Variants in MICAL3 observed in about 807,000 individuals in gnomAD.
MICAL3 encodes [F-actin]-monooxygenase MICAL3.
Under a neutral mutation model 207.4 loss-of-function variants are expected in MICAL3, and 62 were observed. The ratio of observed to expected loss-of-function variants is 0.30; its 90% CI spans 0.24 to 0.37. The LOEUF (loss-of-function observed/expected upper bound fraction) is 0.37. MICAL3 is among the 10% of genes least tolerant of loss of function. MICAL3 has a pLI of 1.00. For missense variants in MICAL3, 2,368 were observed against 2,635.6 expected, an observed-to-expected ratio of 0.90 and a Z score of 2.22; for synonymous variants, 1,077 against 1,069.3, an observed-to-expected ratio of 1.01 and a Z score of -0.14.
rs531280432 is a variant in MICAL3, at chr22:17,796,437, C to T, written c.5651-5136G>A. On this transcript the variant is annotated intron_variant, in intron 29 of 31. Transcript: ENST00000441493. This position sits in a 1 kb window ranked among gnomAD's most constrained non-coding sequence, Gnocchi z 4.4. Reference sequence around the variant, plus strand: ...AGGGCGCCCTCGCATGCACCACCCACGTGATCCTCACACCGGCCAGGTGTG... The same window carrying T: ...AGGGCGCCCTCGCATGCACCACCCATGTGATCCTCACACCGGCCAGGTGTG... Among the ~76,000 whole-genome samples the T allele has an allele frequency of 8.5e-5, 13 of 152,372 alleles. No homozygotes were observed. Among genetic ancestry groups the T allele is most frequent in the East Asian group, 3.9e-4 (2 of 5,180 alleles).
chr22:17,913,558 T>C (rs975473172), intron 1 of MICAL3, among the ~76,000 whole-genome samples: 28 of 152,000 alleles, frequency 1.8e-4, no homozygotes, highest in Admixed American at 7.2e-4. Context: ...ATTTTTCTCA[T>C]GACCAGCACT....
At chr22:17,896,632 C>A in intron 8 of MICAL3, 92 bp downstream of exon 8, 1 of 1,348,830 alleles carries the variant, frequency 7.4e-7, no homozygotes, top group Non-Finnish European at 1.0e-6. Flanking sequence ...CTGTACAACA[C>A]TGCAGACGCT....
Position 17,850,400 on chromosome 22 carries a change from G to GTTTTTTTTTTTTTTTT in MICAL3, c.2606-8399_2606-8384dup, listed in dbSNP as rs565667574. On this transcript the variant is annotated intron_variant, in intron 19 of 31. Transcript: ENST00000441493. ...CTGTGGAACTTTTGCTTTTGAATTA[G>GTTTTTTTTTTTTTTTT]TTTTTTTTTTTTTTTTTTTTTTTTT... Among the ~76,000 whole-genome samples the GTTTTTTTTTTTTTTTT allele has an allele frequency of 5.4e-5, 4 of 74,418 alleles. 1 individual carries two copies. Among genetic ancestry groups the GTTTTTTTTTTTTTTTT allele is most frequent in the Non-Finnish European group, 7.7e-5 (3 of 38,954 alleles). The allele number at this position is 74,418 out of a possible 152,430, so 48.8% of individuals were successfully genotyped here. A position where few individuals can be genotyped will look rare whatever the true frequency, so the allele number is the denominator to read the frequency against.
In MICAL3 at chr22:17,818,447, C is replaced by G; in HGVS notation, c.4214G>C (p.Arg1405Pro). 1 of 1,612,866 alleles carries G rather than the reference C, an allele frequency of 6.2e-7. No homozygotes were observed. Among genetic ancestry groups the G allele is most frequent in the East Asian group, 2.2e-5 (1 of 44,878 alleles). Residue 1405 changes from arginine (R) to proline (P), a missense_variant, in exon 26 of 32, where the codon CGG (arginine) becomes CCG (proline). Arg to Pro is a moderately radical substitution (Grantham distance 103). Around this residue, in one of 4 missense-constraint regions of MICAL3, gnomAD observed 1,770 missense variants for 1,863.2 expected, o/e 0.95. Transcript: ENST00000441493. Reference sequence around the variant, plus strand: ...GCGTAGCTCTCTGTCGGACGGGGACCGGGGGGTTGGCAGGGACAACGGCTC... The same window carrying G: ...GCGTAGCTCTCTGTCGGACGGGGACGGGGGGGTTGGCAGGGACAACGGCTC... ...EGEPLSLPTP[R>P]SPSDRELRSA...
intron 1 of MICAL3, among the ~76,000 whole-genome samples, chr22:17,928,398 C>T (rs1334001914): frequency 2.0e-5 from 3 of 150,588 alleles, no homozygotes; most frequent in Non-Finnish European, 4.4e-5. Flanking sequence ...AAGATTGCAC[C>T]ACTGCACACC....
At chr22:17,964,570 T>A (rs188422254) in intron 1 of MICAL3, among the ~76,000 whole-genome samples, 1 of 152,240 alleles carries the variant, frequency 6.6e-6, no homozygotes, top group Admixed American at 6.5e-5. Flanking sequence ...ACGTGAAGAT[T>A]AAAAATTTAA....
intron 16 of MICAL3, chr22:17,876,802 T>TGGAGGTTAG (rs200084891): frequency 5.5e-5 from 3 of 54,574 alleles, no homozygotes; most frequent in Admixed American, 1.8e-4. Context: ...AGGGAAGTTA[T>TGGAGGTTAG]GGAGGTTAGG....
chr22:18,003,465 C>T (rs993164759), intron 1 of MICAL3, among the ~76,000 whole-genome samples: 1 of 152,212 alleles, frequency 6.6e-6, no homozygotes, highest in Non-Finnish European at 1.5e-5. Context: ...CAGCAACAAA[C>T]CCCACTGCTC....
chr22:17,848,383 C>T (rs9617625), intron 19 of MICAL3, among the ~76,000 whole-genome samples: 3,014 of 152,308 alleles, frequency 0.02, 39 homozygotes, highest in East Asian at 0.049. Context: ...GATGACACCA[C>T]GTGAAGTGTG....
At chr22:17,889,731 C>T (rs1345127774) in intron 12 of MICAL3, among the ~76,000 whole-genome samples, 3 of 152,150 alleles carry the variant, frequency 2.0e-5, no homozygotes, top group African/African-American at 4.8e-5. Context: ...CACTTGAGCC[C>T]GCAAGTTCAA....
chr22:17,977,098 G>A (rs968001973), intron 1 of MICAL3, among the ~76,000 whole-genome samples: 7 of 152,090 alleles, frequency 4.6e-5, no homozygotes, highest in Admixed American at 1.3e-4. Context: ...CACCACGCCC[G>A]GCAGAGACTT....
chr22:17,808,774 A>G lies in MICAL3; in HGVS notation c.5650+70T>C, dbSNP rs2062013422. On this transcript the variant is annotated intron_variant, in intron 29 of 31. Coordinates refer to ENST00000441493, the MANE Select transcript of MICAL3 (RefSeq NM_015241.3). ...GCTGAATTCCAGGTGAGGTGAAGCA[A>G]AACTAGCCTACCACGGCGGGAGGGA... is the stretch of plus-strand genomic sequence containing the variant. 2.2e-6 allele frequency: 3 copies of G among 1,361,760 alleles called. No individual in the cohort carries two copies. In the African/African-American group the frequency reaches 4.3e-5, roughly 20 times the overall value. 84.4% of individuals were successfully genotyped at this position (1,361,760 alleles called of 1,614,324 possible). A position where few individuals can be genotyped will look rare whatever the true frequency, so the allele number is the denominator to read the frequency against.
At chr22:17,874,971 C>A (rs973800566) in intron 16 of MICAL3, among the ~76,000 whole-genome samples, 3 of 152,256 alleles carry the variant, frequency 2.0e-5, no homozygotes, top group Non-Finnish European at 4.4e-5. Context: ...AAACTCCCTA[C>A]AACTGGACCA....
chr22:17,817,597 T>C lies in MICAL3; in HGVS notation c.5064A>G (p.Ser1688=), dbSNP rs1921140225. ...DSGGPDGSFT[S]SEGSSGKSKK... ...TGCTCTTCCCACTGGAGCCCTCGGA[T>C]GAAGTGAAAGAGCCATCTGGGCCCC... is the stretch of plus-strand genomic sequence containing the variant. Residue 1688 remains serine (S), a synonymous_variant, in exon 26 of 32, where the codon TCA becomes TCG. Transcript: ENST00000441493. 1.9e-6 allele frequency: 3 copies of C among 1,613,328 alleles called. No homozygotes were observed. The highest frequency in any genetic ancestry group is 1.7e-6 in the Non-Finnish European group (2 of 1,179,810).
At position 17,958,464 on chromosome 22, in the gene MICAL3, G is replaced by A. The variant is rs116964198; in HGVS notation, c.-74-51578C>T. 4.5e-3 allele frequency among the ~76,000 whole-genome samples: 689 copies of A among 152,266 alleles called. 4 individuals are homozygous for A. The highest frequency in any genetic ancestry group is 7.1e-3 in the Non-Finnish European group (484 of 68,010). On this transcript the variant is annotated intron_variant, in intron 1 of 31. Coordinates refer to ENST00000441493, the MANE Select transcript of MICAL3 (RefSeq NM_015241.3). ...TCCTGCTAAGGTGTCTCCTGCATCG[G>A]CCTTGGGCCTCAGCTGCACCCCATC...
chr22:17,819,450 A>C (rs1921304966), intron 25 of MICAL3, among the ~76,000 whole-genome samples: 1 of 152,084 alleles, frequency 6.6e-6, no homozygotes, highest in African/African-American at 2.4e-5. Flanking sequence ...TGCAGTTCTC[A>C]CCCTCCAGGA....
intron 1 of MICAL3, among the ~76,000 whole-genome samples, chr22:17,977,539 A>T (rs1055120628): frequency 7.9e-5 from 12 of 151,638 alleles, no homozygotes; most frequent in South Asian, 4.2e-4. Context: ...ACTATAATAA[A>T]AAAAAAAAAA....
intron 1 of MICAL3, among the ~76,000 whole-genome samples, chr22:18,021,165 A>G (rs13057497): frequency 0.15 from 22,193 of 152,276 alleles, 1,892 homozygotes; most frequent in Non-Finnish European, 0.19. Context: ...GGCCTGTGCC[A>G]TAAATTGCCC....
intron 1 of MICAL3, among the ~76,000 whole-genome samples, chr22:17,943,475 C>T (rs1189956549): frequency 1.3e-5 from 2 of 152,226 alleles, no homozygotes; most frequent in South Asian, 2.1e-4. Flanking sequence ...TGCATCTATC[C>T]TTCTCTTAAC....
Sources: allele counts gnomAD v4.1 joint callset (sites outside exome capture counted in the v4.1 genomes callset), GRCh38; gene constraint gnomAD v4.1.1; regional missense constraint gnomAD v4.1.1; non-coding constraint Gnocchi (gnomAD v3.1); transcripts MANE v1.5; gene names NCBI Gene and HGNC (gene_info 2026-07-23, HGNC 2026-07-21).